The following LRRC37A2 variants were observed in gnomAD, a reference collection of about 807,000 sequenced individuals.
LRRC37A2 encodes the protein leucine-rich repeat-containing protein 37A2.
LRRC37A2 carries 9 observed loss-of-function variants against 68.8 expected under a neutral mutation model. The ratio of observed to expected loss-of-function variants is 0.13; its 90% CI spans 0.08 to 0.23. The LOEUF is 0.23. Among genes scored for constraint, LRRC37A2 ranks in the 10% least tolerant of loss-of-function variants. The pLI, the probability that LRRC37A2 is intolerant of heterozygous loss-of-function variation, is 1.00. For missense variants in LRRC37A2, 168 were observed against 950.4 expected (o/e 0.18, Z 10.82); for synonymous variants, 63 against 367.6 (o/e 0.17, Z 9.48).
chr17:46,836,000 T>C, the LRRC37A2 span, among the ~76,000 whole-genome samples: 3 of 152,070 alleles, frequency 2.0e-5, no homozygotes, highest in African/African-American at 7.2e-5. Context: ...TTAAAGTTAT[T>C]GTGCCCACAC....
the LRRC37A2 span, among the ~76,000 whole-genome samples, chr17:46,968,284 G>A: frequency 9.2e-5 from 14 of 152,026 alleles, no homozygotes; most frequent in African/African-American, 1.7e-4. Flanking sequence ...CTCTCCCTCC[G>A]CACTGTGGAC....
chr17:46,935,431 T>C, the LRRC37A2 span: 18 of 1,419,178 alleles, frequency 1.3e-5, no homozygotes, highest in African/African-American at 1.6e-4. Context: ...ACTGAACTTA[T>C]CATGAAAGTG....
the LRRC37A2 span, among the ~76,000 whole-genome samples, chr17:46,846,971 AC>A: frequency 6.6e-6 from 1 of 152,090 alleles, no homozygotes; most frequent in Non-Finnish European, 1.5e-5. Context: ...CCTCCCAAAT[AC>A]CTTTCCTGCA....
the LRRC37A2 span, among the ~76,000 whole-genome samples, chr17:46,738,688 C>T: frequency 6.6e-6 from 1 of 152,176 alleles, no homozygotes; most frequent in Non-Finnish European, 1.5e-5. Context: ...CTTGCAGAAT[C>T]CAAGTGAGTT....
the LRRC37A2 span, among the ~76,000 whole-genome samples, chr17:47,037,776 T>C: frequency 6.6e-6 from 1 of 152,212 alleles, no homozygotes; most frequent in Non-Finnish European, 1.5e-5. Context: ...GGAAAGTTTT[T>C]TGATTACTAC....
the LRRC37A2 span, among the ~76,000 whole-genome samples, chr17:46,880,922 G>C: frequency 6.6e-6 from 1 of 152,294 alleles, no homozygotes; most frequent in African/African-American, 2.4e-5. Flanking sequence ...CATGGCTCAG[G>C]GTGGGGCGGG....
At chr17:46,985,497 G>A in the LRRC37A2 span, among the ~76,000 whole-genome samples, 4 of 146,686 alleles carry the variant, frequency 2.7e-5, no homozygotes, top group East Asian at 2.1e-4. Flanking sequence ...TCCAGCCTGG[G>A]AGACAAAGTG....
At chr17:46,759,008 C>T in the LRRC37A2 span, among the ~76,000 whole-genome samples, 98 of 152,280 alleles carry the variant, frequency 6.4e-4, no homozygotes, top group African/African-American at 2.3e-3. Context: ...AGTTCGACGC[C>T]AGCCTGACCA....
the LRRC37A2 span, among the ~76,000 whole-genome samples, chr17:46,766,589 T>A: frequency 6.6e-6 from 1 of 152,186 alleles, no homozygotes; most frequent in South Asian, 2.1e-4. Flanking sequence ...ACCTGCTGCC[T>A]TTCTGGACTG....
At chr17:46,529,268 CA>C (rs969463423) in intron 6 of LRRC37A2, among the ~76,000 whole-genome samples, 1 of 107,524 alleles carries the variant, frequency 9.3e-6, no homozygotes, top group Non-Finnish European at 2.2e-5. Flanking sequence ...TGTTCTACAG[CA>C]AAAGGCTTGT....
At chr17:46,992,853 CAA>C in the LRRC37A2 span, among the ~76,000 whole-genome samples, 31 of 65,164 alleles carry the variant, frequency 4.8e-4, no homozygotes, top group East Asian at 1.9e-3. Context: ...AACTCCATCT[CAA>C]AAAAAAAAAA....
the LRRC37A2 span, among the ~76,000 whole-genome samples, chr17:46,926,676 C>T: frequency 2.0e-5 from 3 of 152,212 alleles, no homozygotes; most frequent in African/African-American, 7.2e-5. Flanking sequence ...AGATTTTGCA[C>T]TTGGCATATT....
At chr17:46,544,969 T>C in intron 8 of LRRC37A2, among the ~76,000 whole-genome samples, 1 of 140,670 alleles carries the variant, frequency 7.1e-6, no homozygotes, top group Middle Eastern at 3.5e-3. Flanking sequence ...AGTTGTCTTG[T>C]AAATTGTCCC....
the LRRC37A2 span, among the ~76,000 whole-genome samples, chr17:46,902,119 A>G: frequency 1.3e-5 from 2 of 152,082 alleles, no homozygotes; most frequent in Admixed American, 1.3e-4. Flanking sequence ...CAAGATCTTT[A>G]CCACTGGGAT....
At chr17:46,923,181 G>T in the LRRC37A2 span, 66 of 1,536,096 alleles carry the variant, frequency 4.3e-5, no homozygotes, top group African/African-American at 7.0e-4. Context: ...CGTGGCCTGC[G>T]GGGCCGGCGA....
chr17:46,779,103 A>ACACACACACACACACC, the LRRC37A2 span, among the ~76,000 whole-genome samples: 215 of 133,600 alleles, frequency 1.6e-3, 4 homozygotes, highest in East Asian at 0.018. Flanking sequence ...ACACACACAC[A>ACACACACACACACACC]CCCCAGCCCA....
At chr17:47,017,205 C>T in the LRRC37A2 span, 1 of 1,611,870 alleles carries the variant, frequency 6.2e-7, no homozygotes, top group Non-Finnish European at 8.5e-7. Flanking sequence ...GACTTCCGCT[C>T]AGTGCCCGGC....
At chr17:46,981,460 T>C in the LRRC37A2 span, among the ~76,000 whole-genome samples, 1 of 152,216 alleles carries the variant, frequency 6.6e-6, no homozygotes, top group Non-Finnish European at 1.5e-5. Flanking sequence ...TGGCATGTGA[T>C]GTCTTCTGCC....
chr17:47,015,682 T>C, the LRRC37A2 span, among the ~76,000 whole-genome samples: 1 of 152,238 alleles, frequency 6.6e-6, no homozygotes. Flanking sequence ...AGCAAAAGTA[T>C]CATTTCAGTG....
Sources: gnomAD v4.1 joint callset for allele counts (sites outside exome capture counted in the v4.1 genomes callset) on GRCh38, gnomAD v4.1.1 for gene constraint, MANE v1.5 for transcripts, NCBI Gene and HGNC (gene_info 2026-07-23, HGNC 2026-07-21) for gene names.